PCNT: variants seen among roughly 807,000 people sequenced by gnomAD.
PCNT encodes the protein kendrin.
PCNT carries 319 observed loss-of-function variants against 380.4 expected under a neutral mutation model. The observed-to-expected ratio is 0.84, with a 90% CI of 0.77 to 0.92. The LOEUF (loss-of-function observed/expected upper bound fraction) is 0.92. Among genes scored for constraint, PCNT ranks in the 40% least tolerant of loss-of-function variants. The pLI is 0.00. For missense variants in PCNT, 4,400 were observed against 4,255.3 expected (o/e 1.03, Z -0.95); for synonymous variants, 1,845 against 1,735.2 (o/e 1.06, Z -1.57).
chr21:46,407,168 A>G (rs978470943), intron 27 of PCNT, among the ~76,000 whole-genome samples: 9 of 152,204 alleles, frequency 5.9e-5, no homozygotes, highest in African/African-American at 1.4e-4. Context: ...AGCATCAACA[A>G]TGAAGCCATT....
At chr21:46,431,502 C>T (rs770433987) in intron 37 of PCNT, 27 bp from the exon 38 acceptor site, 14 of 1,613,730 alleles carry the variant, frequency 8.7e-6, no homozygotes, top group Non-Finnish European at 1.1e-5. Context: ...GATTCAGTGT[C>T]TCCCATCGTA....
Position 46,355,479 on chromosome 21 carries a change from T to G in PCNT, c.1789T>G (p.Leu597Val). 1 of 1,613,912 alleles carries G rather than the reference T, an allele frequency of 6.2e-7. No homozygotes were observed. The highest frequency in any genetic ancestry group is 1.1e-5 in the South Asian group (1 of 91,088). ...GAGCCTGCCACGCTTCCAGGCGGAG[T>G]TAGAAGAAAGCCACAGGCACCAGCT... is the stretch of plus-strand genomic sequence containing the variant. ...KESLPRFQAE[L>V]EESHRHQLEA... Residue 597 changes from leucine to valine, a missense_variant, in exon 12 of 47, where the codon TTA becomes GTA. Physicochemically the swap from Leu to Val is conservative, Grantham distance 32. Transcript: ENST00000359568.
chr21:46,354,674 C>G (rs2084408858), intron 11 of PCNT, among the ~76,000 whole-genome samples: 1 of 152,142 alleles, frequency 6.6e-6, no homozygotes, highest in South Asian at 2.1e-4. Flanking sequence ...TGGCTTGTTG[C>G]ACGGTGGAAC....
chr21:46,385,588 G>A (rs750845955), intron 16 of PCNT, among the ~76,000 whole-genome samples: 9 of 152,132 alleles, frequency 5.9e-5, no homozygotes, highest in South Asian at 4.1e-4. Flanking sequence ...CACCTTTGCC[G>A]TATTTTTATT....
intron 15 of PCNT, among the ~76,000 whole-genome samples, chr21:46,374,849 C>A (rs1379908349): frequency 4.0e-3 from 342 of 85,238 alleles, no homozygotes; most frequent in South Asian, 8.7e-3. Flanking sequence ...AACTTCGTCT[C>A]AAAAAAAAAA....
intron 15 of PCNT, among the ~76,000 whole-genome samples, chr21:46,374,607 T>C (rs1230200076): frequency 6.6e-6 from 1 of 152,086 alleles, no homozygotes; most frequent in Non-Finnish European, 1.5e-5. Flanking sequence ...CCCAGCACTT[T>C]GGGAGGCCGA....
rs1455478686 is a variant in PCNT, at chr21:46,428,444, G to T, written c.7544G>T (p.Ser2515Ile). The T allele has an allele frequency of 6.2e-7, 1 of 1,612,576 alleles. No individual in the cohort carries two copies. Among genetic ancestry groups the T allele is most frequent in the Admixed American group, 1.7e-5 (1 of 59,986 alleles). ...SLEHLRLPDR[S>I]SLLSEIQALR... ...GAGCATCTTCGCTTGCCGGACCGGA[G>T]CAGCCTGCTGTCCGAGATCCAGGCG... Residue 2515 changes from serine to isoleucine, a missense_variant, in exon 35 of 47, where the codon AGC becomes ATC. Physicochemically the swap from Ser to Ile is moderately radical, Grantham distance 142. Transcript: ENST00000359568.
At chr21:46,444,963 A>G (rs2053715640) in intron 46 of PCNT, 142 bp downstream of exon 46, 1 of 807,256 alleles carries the variant, frequency 1.2e-6, no homozygotes, top group East Asian at 2.6e-5. Flanking sequence ...TAGTATTAGA[A>G]TAGAGGCTAC....
intron 14 of PCNT, among the ~76,000 whole-genome samples, chr21:46,365,317 A>ATGGGGTGCTATTCACTGCCG (rs2084864583): frequency 1.5e-5 from 1 of 68,348 alleles, no homozygotes; most frequent in Non-Finnish European, 3.3e-5. Context: ...ATTCACTGCC[A>ATGGGGTGCTATTCACTGCCG]TGGGGTTCTA....
At chr21:46,437,339 G>C (rs1276148426) in intron 40 of PCNT, among the ~76,000 whole-genome samples, 2 of 122,006 alleles carry the variant, frequency 1.6e-5, no homozygotes, top group Non-Finnish European at 3.0e-5. Context: ...GTGTGACTGT[G>C]TGGTCTTCGG....
rs138227887 is a variant in PCNT at position 46,416,429 on chromosome 21, C to T, written c.6511C>T (p.Pro2171Ser). 2 of 1,614,170 alleles carry T rather than the reference C, an allele frequency of 1.2e-6. No individual in the cohort carries two copies. Among genetic ancestry groups the T allele is most frequent in the Admixed American group, 1.7e-5 (1 of 60,022 alleles). ...TATCAAAAATTGGGATTCCTTGATA[C>T]CAGATGAAATGCCAGATTCTCCCAT... ...DVIKNWDSLI[P>S]DEMPDSPIQE... Residue 2171 changes from proline to serine, a missense_variant, in exon 30 of 47, where the codon CCA becomes TCA. Pro to Ser is a moderately conservative substitution (Grantham distance 74). Transcript: ENST00000359568.
At position 46,424,774 on chromosome 21, in the gene PCNT, G is replaced by A. The variant is rs546946285; in HGVS notation, c.7180-1057G>A. Among the ~76,000 whole-genome samples, 7 of 100,500 alleles carry A rather than the reference G, an allele frequency of 7.0e-5. No individual in the cohort carries two copies. In the South Asian group the frequency reaches 1.9e-3, roughly 27 times the overall value. 65.9% of individuals were successfully genotyped at this position (100,500 alleles called of 152,430 possible). A position where few individuals can be genotyped will look rare whatever the true frequency, so the allele number is the denominator to read the frequency against. On this transcript the variant is annotated intron_variant, in intron 32 of 46. Coordinates refer to ENST00000359568, the MANE Select transcript of PCNT (RefSeq NM_006031.6). ...GCTCCCCCCGTCTCCGCTCCTCCCCGCACCACCCCGCTCCCCTCAACCCCA... is the reference window on the plus strand; with the variant it reads ...GCTCCCCCCGTCTCCGCTCCTCCCCACACCACCCCGCTCCCCTCAACCCCA...
At chr21:46,375,644 T>G (rs1036582875) in intron 15 of PCNT, among the ~76,000 whole-genome samples, 1 of 152,194 alleles carries the variant, frequency 6.6e-6, no homozygotes, top group Non-Finnish European at 1.5e-5. Context: ...GGACGCACGC[T>G]TCTGCTCGAC....
At chr21:46,442,928 G>T in intron 44 of PCNT, 1 of 331,554 alleles carries the variant, frequency 3.0e-6, no homozygotes, top group South Asian at 2.7e-5. Flanking sequence ...GCTTATTTCT[G>T]GCTCACTCAC....
rs372871511 is a variant in PCNT at position 46,431,754 on chromosome 21, G to C, written c.8290G>C (p.Glu2764Gln). The C allele has an allele frequency of 1.2e-5, 20 of 1,612,410 alleles. No homozygotes were observed. The highest frequency in any genetic ancestry group is 1.4e-5 in the Non-Finnish European group (16 of 1,179,930). ...TLELSEALRH[E>Q]RLLTEQLSQR... ...GGAGCTGTCAGAGGCCTTGCGGCAC[G>C]AGCGGCTCCTGACCGAGCAGCTGAG... Residue 2764 changes from glutamate (E) to glutamine (Q), a missense_variant, in exon 38 of 47, where the codon GAG becomes CAG. Transcript: ENST00000359568.
chr21:46,422,781 G>T (rs944061040), intron 32 of PCNT, among the ~76,000 whole-genome samples: 1 of 152,118 alleles, frequency 6.6e-6, no homozygotes, highest in Non-Finnish European at 1.5e-5. Context: ...GCGTTGCCCC[G>T]AGGTTCCTGG....
chr21:46,428,685 G>A, intron 35 of PCNT, 95 bp downstream of exon 35: 1 of 1,105,050 alleles, frequency 9.0e-7, no homozygotes, highest in Non-Finnish European at 1.3e-6. Flanking sequence ...GGTGGTGACA[G>A]GGCATCATCT....
intron 43 of PCNT, among the ~76,000 whole-genome samples, chr21:46,441,814 G>A (rs995780779): frequency 2.0e-5 from 3 of 152,094 alleles, no homozygotes; most frequent in Admixed American, 6.6e-5. Flanking sequence ...TGAAGGCAGT[G>A]GTGTCCCAGA....
In PCNT at chr21:46,385,923, G is replaced by T. The variant is rs146287555; in HGVS notation, c.3404G>T (p.Arg1135Leu). Reference sequence around the variant, plus strand: ...CAGCAGAGGCGGGAGCGGGAGAACCGGGAAGGCGCAAACCTCCTCTCCATG... The same window carrying T: ...CAGCAGAGGCGGGAGCGGGAGAACCTGGAAGGCGCAAACCTCCTCTCCATG... ...VLQQRREREN[R>L]EGANLLSMLK... Residue 1135 changes from arginine to leucine, a missense_variant, in exon 17 of 47, where the codon CGG becomes CTG. Physicochemically the swap from Arg to Leu is moderately radical, Grantham distance 102. Transcript: ENST00000359568. The T allele has an allele frequency of 1.2e-6, 2 of 1,614,062 alleles. No homozygotes were observed. Among genetic ancestry groups the T allele is most frequent in the East Asian group, 2.2e-5 (1 of 44,880 alleles).
Sources: gnomAD v4.1 joint callset for allele counts (sites outside exome capture counted in the v4.1 genomes callset) on GRCh38, gnomAD v4.1.1 for gene constraint, MANE v1.5 for transcripts, NCBI Gene and HGNC (gene_info 2026-07-23, HGNC 2026-07-21) for gene names.